The following DCX variants were observed in gnomAD, a reference collection of about 807,000 sequenced individuals.
The protein encoded by DCX is doublecortin.
Under a neutral mutation model 20.9 loss-of-function variants are expected in DCX, and 4 were observed. The ratio of observed to expected loss-of-function variants is 0.19; its 90% CI spans 0.09 to 0.44. The LOEUF (loss-of-function observed/expected upper bound fraction) is 0.44, where lower values mean the gene tolerates loss of function less well. Among genes scored for constraint, DCX ranks in the 20% least tolerant of loss-of-function variants. The pLI, the probability that DCX is intolerant of heterozygous loss-of-function variation, is 0.99. For synonymous variants in DCX, 103 were observed against 111.4 expected, an observed-to-expected ratio of 0.92 and a Z score of 0.47; for missense variants, 133 against 296.9, an observed-to-expected ratio of 0.45 and a Z score of 4.06.
intron 3 of DCX, among the ~76,000 whole-genome samples, chrX:111,344,203 A>G (rs1459636371): frequency 8.9e-6 from 1 of 112,298 alleles, no homozygotes; most frequent in Non-Finnish European, 1.9e-5. Flanking sequence ...TCATGTTAAA[A>G]TCTCTCAATA....
intron 3 of DCX, among the ~76,000 whole-genome samples, chrX:111,397,546 T>G (rs1381602057): frequency 8.9e-6 from 1 of 112,065 alleles, no homozygotes; most frequent in Non-Finnish European, 1.9e-5. Context: ...AATTTTGAAT[T>G]TGGCACCAAC....
In DCX at chrX:111,299,290, T is replaced by C. The variant is rs2095028501; in HGVS notation, c.*2397A>G. The C allele has an allele frequency of 8.9e-6, 1 of 111,877 alleles. No individual in the cohort carries two copies. Among genetic ancestry groups the C allele is most frequent in the African/African-American group, 3.3e-5 (1 of 30,728 alleles). 9.2% of individuals were successfully genotyped at this position (111,877 alleles called of 1,213,427 possible). On this transcript the variant is annotated 3_prime_UTR_variant, in exon 7 of 7. Transcript: ENST00000636035. ...TCGATTAAAAGTAAGATGGAAGATGTACTATTGTTATTGAAGATTGTTGGT... is the reference window on the plus strand; with the variant it reads ...TCGATTAAAAGTAAGATGGAAGATGCACTATTGTTATTGAAGATTGTTGGT...
intron 3 of DCX, among the ~76,000 whole-genome samples, chrX:111,334,589 T>G (rs1921551114): frequency 8.9e-6 from 1 of 112,331 alleles, no homozygotes; most frequent in South Asian, 3.7e-4. Context: ...ATTTTAGGCT[T>G]GAGAAAACTG....
Position 111,344,993 on chromosome X carries a change from A to C in DCX, c.706-11840T>G, listed in dbSNP as rs780245302. 4.5e-5 allele frequency among the ~76,000 whole-genome samples: 5 copies of C among 112,326 alleles called. No homozygotes were observed. In the East Asian group the frequency reaches 8.4e-4, roughly 19 times the overall value. On this transcript the variant is annotated intron_variant, in intron 3 of 6. Transcript: ENST00000636035. ...ATCACGCTACTTGACTTCAAACTATACTAGAAGGCTACAGTAACCAAAACA... is the reference window on the plus strand; with the variant it reads ...ATCACGCTACTTGACTTCAAACTATCCTAGAAGGCTACAGTAACCAAAACA...
chrX:111,381,205 T>C (rs1013640858), intron 3 of DCX, among the ~76,000 whole-genome samples: 11 of 110,680 alleles, frequency 9.9e-5, no homozygotes, highest in African/African-American at 1.3e-4. Context: ...GCCAATATGA[T>C]GTCCTTGTGT....
intron 1 of DCX, 65 bp from the exon 2 acceptor site, chrX:111,410,485 A>G: frequency 8.6e-7 from 1 of 1,166,639 alleles, no homozygotes; most frequent in Non-Finnish European, 1.2e-6. Context: ...AGGAGAAGGA[A>G]AAAAGAAGGG....
chrX:111,351,354 T>G (rs1186024958), intron 3 of DCX, among the ~76,000 whole-genome samples: 3 of 111,933 alleles, frequency 2.7e-5, no homozygotes, highest in African/African-American at 9.8e-5. Context: ...TGAATGGAAG[T>G]AGGGAAATAA....
At chrX:111,364,482 A>C (rs1924451409) in intron 3 of DCX, among the ~76,000 whole-genome samples, 1 of 112,530 alleles carries the variant, frequency 8.9e-6, no homozygotes, top group African/African-American at 3.2e-5. Context: ...TCAGGAAATT[A>C]AATCTGTGGA....
intron 5 of DCX, among the ~76,000 whole-genome samples, chrX:111,314,824 A>G (rs921016141): frequency 8.9e-6 from 1 of 112,112 alleles, no homozygotes; most frequent in African/African-American, 3.2e-5. Context: ...ACATCCTTTC[A>G]TGTTAACAAC....
chrX:111,338,313 A>G (rs1373964559), intron 3 of DCX, among the ~76,000 whole-genome samples: 5 of 111,860 alleles, frequency 4.5e-5, no homozygotes, highest in South Asian at 7.6e-4. Context: ...AGTGGTAAAG[A>G]AGAGGGAAAC....
chrX:111,379,504 CATA>C (rs1213448119), intron 3 of DCX, among the ~76,000 whole-genome samples: 1 of 111,905 alleles, frequency 8.9e-6, no homozygotes, highest in Non-Finnish European at 1.9e-5. Flanking sequence ...CTTCACCTAT[CATA>C]ATGTTTTTAT....
At chrX:111,312,503 A>C in intron 6 of DCX, 136 bp downstream of exon 6, 1 of 560,209 alleles carries the variant, frequency 1.8e-6, no homozygotes, top group East Asian at 3.5e-5. Flanking sequence ...GATTCGCAGA[A>C]CTTCAAGCTA....
rs974830548 is a variant in DCX, at chrX:111,401,089, C to T, written c.606G>A (p.Lys202=). Reference sequence around the variant, plus strand: ...GGACTTGCTCAAAAGAGTGGGCTGTCTTCTTGTTCAGAAGCACACGCACAG... The same window carrying T: ...GGACTTGCTCAAAAGAGTGGGCTGTTTTCTTGTTCAGAAGCACACGCACAG... ...RKAVRVLLNK[K]TAHSFEQVLT... Residue 202 remains lysine (K), a synonymous_variant, in exon 3 of 7, where the codon AAG becomes AAA. Coordinates refer to ENST00000636035, the MANE Select transcript of DCX (RefSeq NM_001195553.2). 19 of 1,209,848 alleles carry T rather than the reference C, an allele frequency of 1.6e-5. No homozygotes were observed. The highest frequency in any genetic ancestry group is 4.6e-4 in the Middle Eastern group (2 of 4,374).
intron 2 of DCX, 67 bp downstream of exon 2, chrX:111,409,968 C>A: frequency 2.5e-6 from 3 of 1,196,741 alleles, no homozygotes; most frequent in South Asian, 1.8e-5. Context: ...TCAAAGCAAC[C>A]GAAGAATGTA....
chrX:111,398,124 T>C (rs932950818), intron 3 of DCX, among the ~76,000 whole-genome samples: 1 of 110,397 alleles, frequency 9.1e-6, no homozygotes, highest in African/African-American at 3.3e-5. Context: ...CTGCCCTCAG[T>C]GACTTCCAAG....
At chrX:111,344,267 C>G (rs1192161195) in intron 3 of DCX, among the ~76,000 whole-genome samples, 1 of 111,711 alleles carries the variant, frequency 9.0e-6, no homozygotes, top group Non-Finnish European at 1.9e-5. Context: ...TTATAACAAA[C>G]CCACAGCCAA....
intron 5 of DCX, among the ~76,000 whole-genome samples, chrX:111,322,740 G>T (rs1326052393): frequency 8.9e-6 from 1 of 112,343 alleles, no homozygotes; most frequent in Admixed American, 9.4e-5. Flanking sequence ...CATTAGGGGA[G>T]CAAGAACTGA....
At chrX:111,336,027 T>C (rs1286496754) in intron 3 of DCX, among the ~76,000 whole-genome samples, 1 of 111,898 alleles carries the variant, frequency 8.9e-6, no homozygotes, top group East Asian at 2.8e-4. Flanking sequence ...TGAAACTAGC[T>C]AATAGCTGTA....
chrX:111,330,781 A>T, intron 5 of DCX, 123 bp downstream of exon 5: 1 of 1,022,857 alleles, frequency 9.8e-7, no homozygotes, highest in Non-Finnish European at 1.4e-6. Flanking sequence ...TAGTCCCTGA[A>T]TTGATAGAAT....
Sources: allele counts gnomAD v4.1 joint callset (sites outside exome capture counted in the v4.1 genomes callset), GRCh38; gene constraint gnomAD v4.1.1; transcripts MANE v1.5; gene names NCBI Gene and HGNC (gene_info 2026-07-23, HGNC 2026-07-21).